The following IL1RAPL2 variants were observed in gnomAD, a reference collection of about 807,000 sequenced individuals.
IL1RAPL2 encodes the protein X-linked interleukin-1 receptor accessory protein-like 2.
IL1RAPL2 carries 3 observed loss-of-function variants against 44.1 expected under a neutral mutation model. The observed-to-expected ratio is 0.07, with a 90% CI of 0.03 to 0.18. The LOEUF (loss-of-function observed/expected upper bound fraction) is 0.18, where lower values mean the gene tolerates loss of function less well. IL1RAPL2 is among the 10% of genes least tolerant of loss of function. IL1RAPL2 has a pLI of 1.00. For missense variants in IL1RAPL2, 391 were observed against 496.4 expected (o/e 0.79, Z 2.02); for synonymous variants, 181 against 178.8 (o/e 1.01, Z -0.10).
chrX:105,670,595 G>A (rs894080392), intron 6 of IL1RAPL2, among the ~76,000 whole-genome samples: 9 of 99,776 alleles, frequency 9.0e-5, no homozygotes, highest in Non-Finnish European at 1.7e-4. Context: ...CACCGCGCCC[G>A]GCCAATCTTG....
At chrX:104,756,588 G>T (rs1414260067) in intron 2 of IL1RAPL2, among the ~76,000 whole-genome samples, 5 of 110,682 alleles carry the variant, frequency 4.5e-5, no homozygotes, top group African/African-American at 6.6e-5. Context: ...GCACATAAAA[G>T]TTTAAAAGCT....
chrX:104,891,207 C>T (rs1923427698), intron 2 of IL1RAPL2, among the ~76,000 whole-genome samples: 2 of 111,552 alleles, frequency 1.8e-5, no homozygotes, highest in African/African-American at 6.5e-5. Context: ...TGTAGACTTG[C>T]AGTATAGTTT....
intron 2 of IL1RAPL2, among the ~76,000 whole-genome samples, chrX:104,772,194 G>A (rs1204422736): frequency 1.8e-5 from 2 of 111,706 alleles, no homozygotes; most frequent in Non-Finnish European, 3.8e-5. Context: ...TGTTTTGGAG[G>A]CATTATGAGC....
intron 6 of IL1RAPL2, among the ~76,000 whole-genome samples, chrX:105,537,663 C>T (rs2036687659): frequency 9.0e-6 from 1 of 111,534 alleles, no homozygotes. Context: ...ATTTCTCAAC[C>T]TTTATGTGTT....
At position 105,486,855 on chromosome X, in the gene IL1RAPL2, G is replaced by C. The variant is rs762875351; in HGVS notation, c.772+2468G>C. Among the ~76,000 whole-genome samples the C allele has an allele frequency of 1.0e-4, 11 of 109,780 alleles. No homozygotes were observed. In the East Asian group the frequency reaches 2.9e-3, roughly 29 times the overall value. ...TGCTTGTAATCCCAGCACTTTGGGAGGCCGAGGAGGGCAGATCACAAGGTC... is the reference window on the plus strand; with the variant it reads ...TGCTTGTAATCCCAGCACTTTGGGACGCCGAGGAGGGCAGATCACAAGGTC... On this transcript the variant is annotated intron_variant, in intron 6 of 10. Coordinates refer to ENST00000372582, the MANE Select transcript of IL1RAPL2 (RefSeq NM_017416.2).
chrX:105,382,763 T>A (rs2035444421), intron 5 of IL1RAPL2, among the ~76,000 whole-genome samples: 1 of 103,369 alleles, frequency 9.7e-6, no homozygotes, highest in Non-Finnish European at 1.9e-5. Context: ...AATGTGCACA[T>A]AAACACCATG....
At chrX:105,002,609 G>A (rs912373408) in intron 2 of IL1RAPL2, among the ~76,000 whole-genome samples, 44 of 110,594 alleles carry the variant, frequency 4.0e-4, no homozygotes, top group African/African-American at 1.4e-3. Flanking sequence ...TCATAATGGT[G>A]GCATTTATAT....
chrX:105,078,359 A>T (rs1033959499), intron 2 of IL1RAPL2, among the ~76,000 whole-genome samples: 2 of 111,370 alleles, frequency 1.8e-5, no homozygotes, highest in African/African-American at 6.5e-5. Context: ...GTATTGGTGA[A>T]CTGCAAATGC....
chrX:105,182,072 A>G (rs1226619228), intron 2 of IL1RAPL2, among the ~76,000 whole-genome samples: 2 of 109,710 alleles, frequency 1.8e-5, no homozygotes, highest in Non-Finnish European at 3.8e-5. Flanking sequence ...GTCAAAAAAA[A>G]AAAAAAGAAA....
intron 7 of IL1RAPL2, among the ~76,000 whole-genome samples, chrX:105,739,477 G>T (rs1286306501): frequency 5.0e-5 from 5 of 100,030 alleles, no homozygotes; most frequent in African/African-American, 1.4e-4. Flanking sequence ...TAGGTATATC[G>T]CCCAATGCTA....
chrX:105,301,227 A>C (rs1181600437), intron 5 of IL1RAPL2, among the ~76,000 whole-genome samples: 1 of 111,598 alleles, frequency 9.0e-6, no homozygotes, highest in Non-Finnish European at 1.9e-5. Context: ...CAGCAAGAGT[A>C]ATTATTGGTG....
At chrX:104,807,968 G>A (rs1419946454) in intron 2 of IL1RAPL2, among the ~76,000 whole-genome samples, 1 of 111,799 alleles carries the variant, frequency 8.9e-6, no homozygotes, top group East Asian at 2.8e-4. Flanking sequence ...AATGTTGGCC[G>A]ATTCCAGAAC....
At chrX:104,874,288 C>CTCTCTCTT (rs1922846936) in intron 2 of IL1RAPL2, among the ~76,000 whole-genome samples, 1 of 105,129 alleles carries the variant, frequency 9.5e-6, no homozygotes, top group South Asian at 4.5e-4. Flanking sequence ...TCCTCTCTCT[C>CTCTCTCTT]TCTCTCTCTC....
intron 6 of IL1RAPL2, among the ~76,000 whole-genome samples, chrX:105,550,938 A>T (rs769568520): frequency 1.8e-5 from 2 of 111,796 alleles, no homozygotes; most frequent in Admixed American, 1.9e-4. Context: ...GAAAACCCTC[A>T]TACTACATTT....
At chrX:104,808,308 C>T (rs1416040430) in intron 2 of IL1RAPL2, among the ~76,000 whole-genome samples, 1 of 111,644 alleles carries the variant, frequency 9.0e-6, no homozygotes, top group Non-Finnish European at 1.9e-5. Context: ...ATTATCATAA[C>T]CCTCTGACAT....
rs939721480 is a variant in IL1RAPL2, at chrX:104,625,864, T to C, written c.-19-33031T>C. Among the ~76,000 whole-genome samples the C allele has an allele frequency of 4.5e-5, 5 of 111,438 alleles. No individual in the cohort carries two copies. In the Admixed American group the frequency reaches 4.8e-4, roughly 11 times the overall value. ...ACGAAATGGAGAAAAACATGGCTTT[T>C]GAGTCCAAAAGACTGGATTTTGAAT... On this transcript the variant is annotated intron_variant, in intron 1 of 10. Coordinates refer to ENST00000372582, the MANE Select transcript of IL1RAPL2 (RefSeq NM_017416.2).
intron 2 of IL1RAPL2, among the ~76,000 whole-genome samples, chrX:105,190,545 A>G (rs930665210): frequency 1.8e-5 from 2 of 112,395 alleles, no homozygotes; most frequent in African/African-American, 6.5e-5. Context: ...ACCTGGTTTA[A>G]CAAATGAATT....
chrX:104,912,245 A>T (rs1924264876), intron 2 of IL1RAPL2, among the ~76,000 whole-genome samples: 2 of 109,926 alleles, frequency 1.8e-5, no homozygotes, highest in African/African-American at 6.6e-5. Flanking sequence ...ATATTGCATG[A>T]ATAAATCTAA....
intron 6 of IL1RAPL2, among the ~76,000 whole-genome samples, chrX:105,649,102 CATT>C (rs1232374192): frequency 9.0e-6 from 1 of 111,414 alleles, no homozygotes; most frequent in Non-Finnish European, 1.9e-5. Flanking sequence ...GGCACTATAT[CATT>C]ATTTTTAACT....
Sources: gnomAD v4.1 joint callset for allele counts (sites outside exome capture counted in the v4.1 genomes callset) on GRCh38, gnomAD v4.1.1 for gene constraint, MANE v1.5 for transcripts, NCBI Gene and HGNC (gene_info 2026-07-23, HGNC 2026-07-21) for gene names.